Variants in SLC9A7 observed in about 807,000 individuals in gnomAD.
SLC9A7 encodes solute carrier family 9 member A7.
A neutral mutation model predicts 52.6 loss-of-function variants in SLC9A7; 19 were observed. The observed-to-expected ratio is 0.36, with a 90% CI of 0.25 to 0.53. The LOEUF is 0.53. SLC9A7 is among the 20% of genes least tolerant of loss of function. SLC9A7 has a pLI of 0.91. For missense variants in SLC9A7, 455 were observed against 597.9 expected (o/e 0.76, Z 2.49); for synonymous variants, 226 against 252.1 (o/e 0.90, Z 0.98).
intron 14 of SLC9A7, among the ~76,000 whole-genome samples, chrX:46,628,773 C>T (rs1943177300): frequency 8.9e-6 from 1 of 112,444 alleles, no homozygotes; most frequent in African/African-American, 3.2e-5. Context: ...TTCATGACAA[C>T]ACTGAGCATG....
intron 5 of SLC9A7, among the ~76,000 whole-genome samples, chrX:46,666,660 C>G (rs1001405377): frequency 4.5e-5 from 5 of 111,896 alleles, no homozygotes; most frequent in Non-Finnish European, 7.5e-5. Context: ...TATTCTCTAC[C>G]ATAGCATAGA....
At chrX:46,608,640 CTTTCT>C (rs1209991421) in intron 16 of SLC9A7, among the ~76,000 whole-genome samples, 1 of 111,754 alleles carries the variant, frequency 8.9e-6, no homozygotes, top group East Asian at 2.8e-4. Flanking sequence ...CAGTAGCCTT[CTTTCT>C]TTTTCTTTTT....
chrX:46,625,713 CAAAAA>C (rs756504189), intron 14 of SLC9A7, among the ~76,000 whole-genome samples: 74 of 45,098 alleles, frequency 1.6e-3, no homozygotes, highest in African/African-American at 3.7e-3. Context: ...GTCTCTCTCT[CAAAAA>C]AAAAAAAAAA....
At chrX:46,719,630 A>G (rs1378169581) in intron 1 of SLC9A7, among the ~76,000 whole-genome samples, 1 of 112,023 alleles carries the variant, frequency 8.9e-6, no homozygotes. Flanking sequence ...ACAAAATAGA[A>G]AACACTAGAA....
intron 6 of SLC9A7, 89 bp from the exon 7 acceptor site, chrX:46,662,246 T>C (rs1286767363): frequency 2.2e-6 from 2 of 907,239 alleles, no homozygotes; most frequent in Non-Finnish European, 3.0e-6. Flanking sequence ...TAGGTCTATC[T>C]ACATTTTGTC....
chrX:46,628,403 G>GT (rs945026987), intron 14 of SLC9A7, among the ~76,000 whole-genome samples: 8 of 111,333 alleles, frequency 7.2e-5, no homozygotes, highest in African/African-American at 1.3e-4. Flanking sequence ...TTTGTTTTTT[G>GT]TTTTTTTTGT....
At chrX:46,706,236 T>C (rs887827566) in intron 1 of SLC9A7, among the ~76,000 whole-genome samples, 12 of 99,130 alleles carry the variant, frequency 1.2e-4, no homozygotes, top group African/African-American at 3.7e-4. Context: ...GCTTTTGCCA[T>C]TGAAAGTAAT....
chrX:46,611,515 G>A (rs1602129968), intron 16 of SLC9A7, among the ~76,000 whole-genome samples: 1 of 112,641 alleles, frequency 8.9e-6, no homozygotes, highest in African/African-American at 3.2e-5. Flanking sequence ...ACACATGAAC[G>A]CTACTGCCAC....
chrX:46,711,905 C>T (rs868410279), intron 1 of SLC9A7, among the ~76,000 whole-genome samples: 98 of 97,302 alleles, frequency 1.0e-3, no homozygotes, highest in Middle Eastern at 9.8e-3. Context: ...AAATTACACA[C>T]ACACACACAC....
chrX:46,625,626 C>T (rs983654537), intron 14 of SLC9A7, among the ~76,000 whole-genome samples: 4 of 106,532 alleles, frequency 3.8e-5, no homozygotes, highest in African/African-American at 1.4e-4. Flanking sequence ...ACAAGAATTG[C>T]TTGAACCTGG....
intron 3 of SLC9A7, 113 bp downstream of exon 3, chrX:46,679,565 G>A: frequency 1.8e-6 from 1 of 555,038 alleles, no homozygotes; most frequent in East Asian, 3.8e-5. Flanking sequence ...CTCTGAGTGG[G>A]TGCAGAACAA....
chrX:46,711,389 C>G (rs1039684928), intron 1 of SLC9A7, among the ~76,000 whole-genome samples: 5 of 111,971 alleles, frequency 4.5e-5, no homozygotes, highest in African/African-American at 1.6e-4. Flanking sequence ...AATTGACTGT[C>G]CTACTCTGAC....
At chrX:46,618,794 A>G (rs1457693026) in intron 15 of SLC9A7, among the ~76,000 whole-genome samples, 1 of 110,718 alleles carries the variant, frequency 9.0e-6, no homozygotes, top group Non-Finnish European at 1.9e-5. Flanking sequence ...AAATACAAAA[A>G]TTAGCCAGGT....
intron 7 of SLC9A7, among the ~76,000 whole-genome samples, chrX:46,661,378 T>TA (rs759108907): frequency 1.8e-4 from 19 of 107,618 alleles, no homozygotes; most frequent in East Asian, 5.7e-4. Context: ...ATAATAATAA[T>TA]AAAAAAAAAG....
At chrX:46,751,249 G>A (rs1556287665) in intron 1 of SLC9A7, among the ~76,000 whole-genome samples, 1 of 111,289 alleles carries the variant, frequency 9.0e-6, no homozygotes, top group African/African-American at 3.3e-5. Context: ...GAATCACAAC[G>A]TAGAGACAGC....
chrX:46,673,322 T>TC, intron 3 of SLC9A7, among the ~76,000 whole-genome samples: 1 of 107,950 alleles, frequency 9.3e-6, no homozygotes, highest in Admixed American at 1.0e-4. Flanking sequence ...CTTTCAATGC[T>TC]TCTGCACATT....
At position 46,681,497 on chromosome X, in the gene SLC9A7, G is replaced by A. The variant is rs191995885; in HGVS notation, c.525+839C>T. 3.2e-3 allele frequency among the ~76,000 whole-genome samples: 353 copies of A among 111,949 alleles called. 2 individuals carry two copies. The South Asian group carries it at 0.041, about 13-fold the overall frequency. ...GAGAATAATTTTCCTTAAGGATTAGGGTAGATTCCAAAAACAACAATAATT... is the reference window on the plus strand; with the variant it reads ...GAGAATAATTTTCCTTAAGGATTAGAGTAGATTCCAAAAACAACAATAATT... On this transcript the variant is annotated intron_variant, in intron 2 of 16. Coordinates refer to ENST00000616978, the MANE Select transcript of SLC9A7 (RefSeq NM_001257291.2).
rs1388815329 is a variant in SLC9A7, at chrX:46,605,126, G to A, written c.*1826C>T. 2 of 105,736 alleles carry A rather than the reference G, an allele frequency of 1.9e-5. No homozygotes were observed. The highest frequency in any genetic ancestry group is 1.0e-4 in the Admixed American group (1 of 9,845). The allele number at this position is 105,736 out of a possible 1,213,427, so 8.7% of individuals were successfully genotyped here. ...GAATCGCTTGAACCCGGGAGGCGGA[G>A]GTTGCAGTAAGCCGAGATCGCGCCA... On this transcript the variant is annotated 3_prime_UTR_variant, in exon 17 of 17. Transcript: ENST00000616978.
chrX:46,690,314 A>T (rs1944363895), intron 1 of SLC9A7, among the ~76,000 whole-genome samples: 1 of 111,964 alleles, frequency 8.9e-6, no homozygotes, highest in Admixed American at 9.4e-5. Context: ...CCATACTTTA[A>T]ATTTGCATTT....
Sources: allele counts gnomAD v4.1 joint callset (sites outside exome capture counted in the v4.1 genomes callset), GRCh38; gene constraint gnomAD v4.1.1; transcripts MANE v1.5; gene names NCBI Gene and HGNC (gene_info 2026-07-23, HGNC 2026-07-21).